CALHM1: variants seen among roughly 807,000 people sequenced by gnomAD.
The protein encoded by CALHM1 is calcium homeostasis modulator protein 1.
A neutral mutation model predicts 14.8 loss-of-function variants in CALHM1; 11 were observed. The observed-to-expected ratio is 0.74, with a 90% CI of 0.47 to 1.23. CALHM1 has a LOEUF of 1.23. CALHM1 is among the 50% of genes most tolerant of loss of function. The pLI, the probability that CALHM1 is intolerant of heterozygous loss-of-function variation, is 0.00. For missense variants in CALHM1, 458 were observed against 496.4 expected (o/e 0.92, Z 0.74); for synonymous variants, 215 against 218.9 (o/e 0.98, Z 0.16).
Position 103,455,574 on chromosome 10 carries a change from G to T in CALHM1, c.729C>A (p.Ala243=). Residue 243 remains alanine, a synonymous_variant, in exon 2 of 2, where the codon GCC becomes GCA. Coordinates refer to ENST00000329905, the MANE Select transcript of CALHM1 (RefSeq NM_001001412.4). ...ETCTEHAKAF[A]KVCIQQFFEA... ...CGAAGAACTGCTGGATGCAGACCTT[G>T]GCAAAGGCTTTGGCGTGCTCCGTGC... The T allele has an allele frequency of 6.2e-7, 1 of 1,614,044 alleles. No homozygotes were observed. The highest frequency in any genetic ancestry group is 8.5e-7 in the Non-Finnish European group (1 of 1,180,032).
chr10:103,458,089 A>C lies in CALHM1; in HGVS notation c.555+108T>G. ...TGGGAAGATGCCCCCCACACCTCGGAGCTCCACCTGAGCAGAGGCCCCATT... is the reference window on the plus strand; with the variant it reads ...TGGGAAGATGCCCCCCACACCTCGGCGCTCCACCTGAGCAGAGGCCCCATT... On this transcript the variant is annotated intron_variant, in intron 1 of 1. Coordinates refer to ENST00000329905, the MANE Select transcript of CALHM1 (RefSeq NM_001001412.4). The surrounding 1 kb of genome is among the most constrained non-coding windows in gnomAD (Gnocchi z 4.9). The C allele has an allele frequency of 7.6e-7, 1 of 1,315,696 alleles. No homozygotes were observed. The highest frequency in any genetic ancestry group is 1.1e-6 in the Non-Finnish European group (1 of 949,664). The allele number at this position is 1,315,696 out of a possible 1,614,324, so 81.5% of individuals were successfully genotyped here.
chr10:103,458,601 C>T lies in CALHM1; in HGVS notation c.151G>A (p.Ala51Thr). The T allele has an allele frequency of 6.2e-7, 1 of 1,613,972 alleles. No individual in the cohort carries two copies. The highest frequency in any genetic ancestry group is 1.1e-5 in the South Asian group (1 of 91,082). ...NCPCLPGYNA[A>T]YSAGILLAPP... ...GCCAGCAGGATGCCCGCGCTGTAGG[C>T]TGCATTGTAGCCCGGCAGGCAGGGG... is the stretch of plus-strand genomic sequence containing the variant. The change falls in exon 1 of 2, where the codon GCC (alanine) becomes ACC (threonine). Residue 51 changes from alanine to threonine, a missense_variant. Ala to Thr is a moderately conservative substitution (Grantham distance 58). Coordinates refer to ENST00000329905, the MANE Select transcript of CALHM1 (RefSeq NM_001001412.4). The surrounding 1 kb of genome is among the most constrained non-coding windows in gnomAD (Gnocchi z 4.9).
rs760832624 is a variant in CALHM1, at chr10:103,458,487, GGCGGCCCA to G, written c.257_264del (p.Leu86ProfsTer75). 13 of 1,612,978 alleles carry G rather than the reference GGCGGCCCA, an allele frequency of 8.1e-6. No individual in the cohort carries two copies. The highest frequency in any genetic ancestry group is 1.1e-5 in the South Asian group (1 of 91,072). On this transcript the variant is annotated frameshift_variant, in exon 1 of 2. Coordinates refer to ENST00000329905, the MANE Select transcript of CALHM1 (RefSeq NM_001001412.4). LOFTEE classifies it high-confidence loss of function. This position sits in a 1 kb window ranked among gnomAD's most constrained non-coding sequence, Gnocchi z 4.9. ...CGCAACACAGCGGGGTCCTTGGCCCGGCGGCCCAGCGGCCGCTTCCACTCTTCGGCCAG... is the reference window on the plus strand; with the variant it reads ...CGCAACACAGCGGGGTCCTTGGCCCGGCGGCCGCTTCCACTCTTCGGCCAG...
Position 103,458,430 on chromosome 10 carries a change from G to C in CALHM1, c.322C>G (p.Leu108Val). 6.2e-7 allele frequency: 1 copy of C among 1,611,078 alleles called. No homozygotes were observed. The highest frequency in any genetic ancestry group is 8.5e-7 in the Non-Finnish European group (1 of 1,178,366). Reference sequence around the variant, plus strand: ...GCCACCCAGACGACAGGCGCGATGAGGGCGCGCTGGGCCATGGAGCAGAAC... The same window carrying C: ...GCCACCCAGACGACAGGCGCGATGACGGCGCGCTGGGCCATGGAGCAGAAC... ...YMFCSMAQRA[L>V]IAPVVWVAVT... The change falls in exon 1 of 2, where the codon CTC becomes GTC. Residue 108 changes from leucine to valine, a missense_variant. Coordinates refer to ENST00000329905, the MANE Select transcript of CALHM1 (RefSeq NM_001001412.4). The surrounding 1 kb of genome is among the most constrained non-coding windows in gnomAD (Gnocchi z 4.9).
At chr10:103,456,214 C>T (rs2033148800) in intron 1 of CALHM1, among the ~76,000 whole-genome samples, 1 of 152,208 alleles carries the variant, frequency 6.6e-6, no homozygotes, top group Admixed American at 6.5e-5. Context: ...TGCTCAGTGA[C>T]TATTAACCAT....
Position 103,455,460 on chromosome 10 carries a change from A to G in CALHM1, c.843T>C (p.Asp281=), listed in dbSNP as rs1308134042. 1 of 1,613,744 alleles carries G rather than the reference A, an allele frequency of 6.2e-7. No homozygotes were observed. The highest frequency in any genetic ancestry group is 8.5e-7 in the Non-Finnish European group (1 of 1,179,952). ...GCTTCTCCCTTTCCTCCTCCGCACC[A>G]TCGGGGGTCGTGGGGGCAGCTGCGG... The part of the protein sequence containing the change: ...PASAAAPTTP[D]GAEEEREKLR... Residue 281 remains aspartate (D), a synonymous_variant, in exon 2 of 2, where the codon GAT becomes GAC. Coordinates refer to ENST00000329905, the MANE Select transcript of CALHM1 (RefSeq NM_001001412.4).
chr10:103,454,786 G>A lies in CALHM1; in HGVS notation c.*476C>T, dbSNP rs939293596. On this transcript the variant is annotated 3_prime_UTR_variant, in exon 2 of 2. Transcript: ENST00000329905. ...CCCCGGCACACCCAGTCTCACCTACGACACGCTTGCCCAAATCAGAGGGCT... is the reference window on the plus strand; with the variant it reads ...CCCCGGCACACCCAGTCTCACCTACAACACGCTTGCCCAAATCAGAGGGCT... 7.3e-5 allele frequency: 12 copies of A among 164,542 alleles called. No homozygotes were observed. Among genetic ancestry groups the A allele is most frequent in the Admixed American group, 6.5e-4 (11 of 16,994 alleles). The allele number at this position is 164,542 out of a possible 1,614,324, so 10.2% of individuals were successfully genotyped here. A position where few individuals can be genotyped will look rare whatever the true frequency, so the allele number is the denominator to read the frequency against.
At position 103,455,703 on chromosome 10, in the gene CALHM1, G is replaced by A. The variant is rs758249278; in HGVS notation, c.600C>T (p.Phe200=). The A allele has an allele frequency of 8.7e-6, 14 of 1,613,172 alleles. No homozygotes were observed. The highest frequency in any genetic ancestry group is 1.2e-5 in the Non-Finnish European group (14 of 1,179,966). Residue 200 remains phenylalanine (F), a synonymous_variant, in exon 2 of 2, where the codon TTC becomes TTT. Transcript: ENST00000329905. ...AGCAGGGCCGCACAGAGCGCACCAC[G>A]AATGCCAGCAGAGTGGTCAGCAGCA... ...SFVLLTTLLA[F]VVRSVRPCFT... is the part of the protein sequence containing the mutation.
chr10:103,455,319 A>C lies in CALHM1; in HGVS notation c.984T>G (p.Ala328=), dbSNP rs1454582859. 6.2e-7 allele frequency: 1 copy of C among 1,613,372 alleles called. No homozygotes were observed. Among genetic ancestry groups the C allele is most frequent in the African/African-American group, 1.3e-5 (1 of 75,064 alleles). ...TACGCGGAGGCCGGGGCCCACCCCC[A>C]GCCCAGCCGTTGCCCATCAGCGGTG... is the stretch of plus-strand genomic sequence containing the variant. ...EEPPLMGNGW[A]GGGPRPPRKE... The change falls in exon 2 of 2, where the codon GCT becomes GCG. Residue 328 remains alanine (A), a synonymous_variant. Transcript: ENST00000329905.
chr10:103,458,386 G>A lies in CALHM1; in HGVS notation c.366C>T (p.Gly122=), dbSNP rs887282869. The A allele has an allele frequency of 6.2e-7, 1 of 1,609,266 alleles. No individual in the cohort carries two copies. The highest frequency in any genetic ancestry group is 1.3e-5 in the African/African-American group (1 of 74,804). Residue 122 remains glycine (G), a synonymous_variant, in exon 1 of 2, where the codon GGC becomes GGT. Coordinates refer to ENST00000329905, the MANE Select transcript of CALHM1 (RefSeq NM_001001412.4). The surrounding 1 kb of genome is among the most constrained non-coding windows in gnomAD (Gnocchi z 4.9). ...TGCAGAAGGCACAGAGGAAGCATTT[G>A]CCGTCGAGTAGCGTGACGGCCACCC... ...VVWVAVTLLD[G]KCFLCAFCTA... is the part of the protein sequence containing the mutation.
Position 103,458,515 on chromosome 10 carries a change from G to A in CALHM1, c.237C>T (p.Ala79=), listed in dbSNP as rs774164773. 9 of 1,613,444 alleles carry A rather than the reference G, an allele frequency of 5.6e-6. No individual in the cohort carries two copies. The highest frequency in any genetic ancestry group is 1.3e-5 in the African/African-American group (1 of 75,010). ...LVMNNNVSML[A]EEWKRPLGRR... Reference sequence around the variant, plus strand: ...GGCCCAGCGGCCGCTTCCACTCTTCGGCCAGCATGGACACGTTGTTGTTCA... The same window carrying A: ...GGCCCAGCGGCCGCTTCCACTCTTCAGCCAGCATGGACACGTTGTTGTTCA... Residue 79 remains alanine, a synonymous_variant, in exon 1 of 2, where the codon GCC becomes GCT. Transcript: ENST00000329905. This position sits in a 1 kb window ranked among gnomAD's most constrained non-coding sequence, Gnocchi z 4.9.
rs2033120005 is a variant in CALHM1 at position 103,454,624 on chromosome 10, A to G, written c.*638T>C. 6.6e-6 allele frequency: 1 copy of G among 152,444 alleles called. No individual in the cohort carries two copies. Among genetic ancestry groups the G allele is most frequent in the South Asian group, 2.1e-4 (1 of 4,824 alleles). The allele number at this position is 152,444 out of a possible 1,614,324, so 9.4% of individuals were successfully genotyped here. A position where few individuals can be genotyped will look rare whatever the true frequency, so the allele number is the denominator to read the frequency against. On this transcript the variant is annotated 3_prime_UTR_variant, in exon 2 of 2. Transcript: ENST00000329905. ...AATAAACATGCAGTCCACCTGGACA[A>G]TTGTCACATGACCCCCATGGTGACC... is the stretch of plus-strand genomic sequence containing the variant.
chr10:103,456,986 A>G (rs1198531585), intron 1 of CALHM1, among the ~76,000 whole-genome samples: 1 of 152,056 alleles, frequency 6.6e-6, no homozygotes, highest in Non-Finnish European at 1.5e-5. Context: ...TTTTGGAGAC[A>G]GGGTCTCACT....
At position 103,458,746 on chromosome 10, in the gene CALHM1, C is replaced by T; in HGVS notation, c.6G>A (p.Met2Ile). 4 of 1,606,592 alleles carry T rather than the reference C, an allele frequency of 2.5e-6. No individual in the cohort carries two copies. Among genetic ancestry groups the T allele is most frequent in the Non-Finnish European group, 3.4e-6 (4 of 1,175,734 alleles). MMDKFRMIFQFL... is the reference protein window; with the variant it reads MIDKFRMIFQFL... The stretch of plus-strand genomic sequence containing the variant: ...ACTGGAAGATCATCCGGAACTTGTC[C>T]ATCATGCCCGCTGTGGGGCCCGGCC... The change falls in exon 1 of 2, where the codon ATG becomes ATA. Residue 2 changes from methionine to isoleucine, a missense_variant. By Grantham distance (10) the Met-to-Ile change is conservative. Transcript: ENST00000329905. This position sits in a 1 kb window ranked among gnomAD's most constrained non-coding sequence, Gnocchi z 4.9.
At chr10:103,457,514 G>A (rs2033164311) in intron 1 of CALHM1, among the ~76,000 whole-genome samples, 1 of 152,228 alleles carries the variant, frequency 6.6e-6, no homozygotes, top group Non-Finnish European at 1.5e-5. Context: ...CCCTCGCCCT[G>A]ACAGCACCTG....
In CALHM1 at chr10:103,458,392, G is replaced by A. The variant is rs752862544; in HGVS notation, c.360C>T (p.Leu120=). The change falls in exon 1 of 2, where the codon CTC becomes CTT. Residue 120 remains leucine (L), a synonymous_variant. Transcript: ENST00000329905. The surrounding 1 kb of genome is among the most constrained non-coding windows in gnomAD (Gnocchi z 4.9). The part of the protein sequence containing the change: ...APVVWVAVTL[L]DGKCFLCAFC... The stretch of plus-strand genomic sequence containing the variant: ...AGGCACAGAGGAAGCATTTGCCGTC[G>A]AGTAGCGTGACGGCCACCCAGACGA... 4.4e-6 allele frequency: 7 copies of A among 1,608,942 alleles called. No homozygotes were observed. The highest frequency in any genetic ancestry group is 2.2e-5 in the East Asian group (1 of 44,752).
At chr10:103,457,279 C>T (rs1020922144) in intron 1 of CALHM1, among the ~76,000 whole-genome samples, 9 of 152,240 alleles carry the variant, frequency 5.9e-5, no homozygotes, top group African/African-American at 1.7e-4. Context: ...AGGCCGGGGA[C>T]GATGGGATGA....
rs773599775 is a variant in CALHM1, at chr10:103,458,150, C to T, written c.555+47G>A. ...GGGGGATAGGGCCCTCCCAGAGGGA[C>T]CTTGATCTGCCAGGGAGACCCAGCG... On this transcript the variant is annotated intron_variant, in intron 1 of 1. Transcript: ENST00000329905. This position sits in a 1 kb window ranked among gnomAD's most constrained non-coding sequence, Gnocchi z 4.9. 7 of 1,603,216 alleles carry T rather than the reference C, an allele frequency of 4.4e-6. No homozygotes were observed. In the African/African-American group the frequency reaches 8.0e-5, roughly 18 times the overall value.
At position 103,453,882 on chromosome 10, in the gene CALHM1, T is replaced by C. The variant is rs1037756302; in HGVS notation, c.*1380A>G. The C allele has an allele frequency of 6.6e-6, 1 of 151,792 alleles. No individual in the cohort carries two copies. The highest frequency in any genetic ancestry group is 2.4e-5 in the African/African-American group (1 of 41,288). The allele number at this position is 151,792 out of a possible 1,614,324, so 9.4% of individuals were successfully genotyped here. On this transcript the variant is annotated 3_prime_UTR_variant, in exon 2 of 2. Transcript: ENST00000329905. Reference sequence around the variant, plus strand: ...GATCTGAGCAACTCCTCCCAAATAATTAAGAGGAGGGAAACTGGACCCCAG... The same window carrying C: ...GATCTGAGCAACTCCTCCCAAATAACTAAGAGGAGGGAAACTGGACCCCAG...
Sources: allele counts gnomAD v4.1 joint callset (sites outside exome capture counted in the v4.1 genomes callset), GRCh38; gene constraint gnomAD v4.1.1; non-coding constraint Gnocchi (gnomAD v3.1); transcripts MANE v1.5; gene names NCBI Gene and HGNC (gene_info 2026-07-23, HGNC 2026-07-21).